Variants in KIZ observed in about 807,000 individuals in gnomAD.
KIZ encodes kizuna centrosomal protein, also known as centrosomal protein kizuna.
In KIZ, 68 loss-of-function variants were observed where a neutral mutation model predicts 79.6. The observed-to-expected ratio is 0.85, with a 90% confidence interval of 0.70 to 1.05. The LOEUF is 1.05. Ranked by LOEUF, KIZ falls within the 50% of genes least tolerant of loss-of-function variation. The probability of loss-of-function intolerance (pLI) is 0.00; values close to 1 mark genes in which losing one functional copy is unlikely to be tolerated. For missense variants in KIZ, 797 were observed against 800.4 expected (o/e 1.00, Z 0.05); for synonymous variants, 280 against 281.8 (o/e 0.99, Z 0.06).
chr20:21,204,598 C>T (rs1230431573), intron 6 of KIZ, among the ~76,000 whole-genome samples: 1 of 151,840 alleles, frequency 6.6e-6, no homozygotes, highest in African/African-American at 2.4e-5. Flanking sequence ...CTAAGATATC[C>T]CCTCCCCACC....
chr20:21,163,970 C>T (rs1178527894), intron 6 of KIZ, among the ~76,000 whole-genome samples: 1 of 152,168 alleles, frequency 6.6e-6, no homozygotes, highest in African/African-American at 2.4e-5. Flanking sequence ...AGGTAGATCT[C>T]ACCTTTTACA....
At chr20:21,150,274 G>C (rs74936269) in intron 4 of KIZ, among the ~76,000 whole-genome samples, 1 of 152,160 alleles carries the variant, frequency 6.6e-6, no homozygotes, top group Non-Finnish European at 1.5e-5. Context: ...ATATGGGCCC[G>C]CCCTCTCACA....
intron 11 of KIZ, among the ~76,000 whole-genome samples, chr20:21,240,123 T>A (rs1241289522): frequency 6.6e-6 from 1 of 151,642 alleles, no homozygotes; most frequent in Non-Finnish European, 1.5e-5. Flanking sequence ...TAAAACTAAT[T>A]AATTAACTAT....
At chr20:21,147,952 T>C (rs574171021) in intron 4 of KIZ, among the ~76,000 whole-genome samples, 19 of 144,930 alleles carry the variant, frequency 1.3e-4, no homozygotes, top group Non-Finnish European at 2.2e-4. Flanking sequence ...TGAGATTTCC[T>C]CCTGGAATTT....
At chr20:21,193,001 A>C (rs2035180668) in intron 6 of KIZ, among the ~76,000 whole-genome samples, 1 of 152,146 alleles carries the variant, frequency 6.6e-6, no homozygotes, top group Non-Finnish European at 1.5e-5. Context: ...GCAGGTCCAG[A>C]CTTTAGGCAG....
intron 6 of KIZ, among the ~76,000 whole-genome samples, chr20:21,169,846 T>C (rs1433175164): frequency 6.6e-6 from 1 of 152,200 alleles, no homozygotes; most frequent in Non-Finnish European, 1.5e-5. Flanking sequence ...CAGGTTGGCT[T>C]TTTTCACTTA....
intron 3 of KIZ, chr20:21,139,061 G>T (rs2032366532): frequency 6.8e-6 from 1 of 147,226 alleles, no homozygotes; most frequent in Non-Finnish European, 1.5e-5. Context: ...GTTCAGGGTG[G>T]TATGGCCGTA....
At chr20:21,215,710 C>A in intron 9 of KIZ, 62 bp downstream of exon 9, 1 of 1,149,116 alleles carries the variant, frequency 8.7e-7, no homozygotes, top group South Asian at 1.4e-5. Context: ...ATAAGCGGAA[C>A]ATTTTGGGTC....
At chr20:21,147,939 A>AACTG (rs2032926493) in intron 4 of KIZ, among the ~76,000 whole-genome samples, 1 of 145,034 alleles carries the variant, frequency 6.9e-6, no homozygotes, top group Non-Finnish European at 1.5e-5. Flanking sequence ...CCAGGCTAAG[A>AACTG]ACTGAGATTT....
chr20:21,220,174 A>C (rs1460539590), intron 9 of KIZ, among the ~76,000 whole-genome samples: 38 of 149,876 alleles, frequency 2.5e-4, no homozygotes, highest in Admixed American at 2.5e-3. Context: ...TATATATAAA[A>C]TCCTTAATTA....
At chr20:21,155,252 A>G (rs922185783) in intron 4 of KIZ, among the ~76,000 whole-genome samples, 5 of 152,210 alleles carry the variant, frequency 3.3e-5, no homozygotes, top group African/African-American at 1.2e-4. Flanking sequence ...TAGTAGCCAA[A>G]AAGTGGACAC....
intron 4 of KIZ, among the ~76,000 whole-genome samples, chr20:21,155,241 A>G (rs746459766): frequency 2.6e-5 from 4 of 152,306 alleles, no homozygotes; most frequent in Non-Finnish European, 5.9e-5. Context: ...AGCATTATTC[A>G]TAGTAGCCAA....
At chr20:21,244,667 T>A (rs758036981) in intron 12 of KIZ, 19 of 190,042 alleles carry the variant, frequency 1.0e-4, no homozygotes, top group Non-Finnish European at 1.5e-4. Context: ...TAACTCTAAC[T>A]GGTTTCCTCA....
At chr20:21,168,121 C>T (rs147386776) in intron 6 of KIZ, among the ~76,000 whole-genome samples, 2,240 of 152,166 alleles carry the variant, frequency 0.015, 64 homozygotes, top group African/African-American at 0.052. Flanking sequence ...CTTCCTGTGT[C>T]CATGTGTTCT....
At chr20:21,236,740 A>G (rs1185136836) in intron 11 of KIZ, among the ~76,000 whole-genome samples, 1 of 152,176 alleles carries the variant, frequency 6.6e-6, no homozygotes, top group Admixed American at 6.5e-5. Context: ...CATGCCTGTA[A>G]TCCCAGCACT....
chr20:21,188,034 C>T (rs2034958184), intron 6 of KIZ, among the ~76,000 whole-genome samples: 1 of 152,168 alleles, frequency 6.6e-6, no homozygotes, highest in Non-Finnish European at 1.5e-5. Flanking sequence ...CTCATTTTCT[C>T]AGAGGTAAGC....
intron 6 of KIZ, among the ~76,000 whole-genome samples, chr20:21,169,034 A>G (rs937426617): frequency 1.3e-5 from 2 of 152,218 alleles, no homozygotes; most frequent in Non-Finnish European, 2.9e-5. Context: ...CAAGGACTTC[A>G]TGTCTAAAAC....
intron 3 of KIZ, among the ~76,000 whole-genome samples, chr20:21,142,173 C>T (rs77770006): frequency 0.017 from 2,611 of 152,178 alleles, 39 homozygotes; most frequent in Non-Finnish European, 0.022. Flanking sequence ...ATTTGCATTT[C>T]CTTGAAAGCA....
At chr20:21,211,549 GGT>G (rs796789112) in intron 7 of KIZ, among the ~76,000 whole-genome samples, 18 of 152,278 alleles carry the variant, frequency 1.2e-4, no homozygotes, top group African/African-American at 4.1e-4. Context: ...GAAAGCCTGT[GGT>G]AAAATTGTTG....
Sources: allele counts gnomAD v4.1 joint callset (sites outside exome capture counted in the v4.1 genomes callset), GRCh38; gene constraint gnomAD v4.1.1; transcripts MANE v1.5; gene names NCBI Gene and HGNC (gene_info 2026-07-23, HGNC 2026-07-21).